The following SETDB1 variants were observed in gnomAD, a reference collection of about 807,000 sequenced individuals.
The protein encoded by SETDB1 is SET domain bifurcated histone lysine methyltransferase 1.
In SETDB1, 31 loss-of-function variants were observed where a neutral mutation model predicts 137.4. The observed-to-expected ratio is 0.23, with a 90% CI of 0.17 to 0.30. The LOEUF (loss-of-function observed/expected upper bound fraction) is 0.30, where lower values mean the gene tolerates loss of function less well. Among genes scored for constraint, SETDB1 ranks in the 10% least tolerant of loss-of-function variants. The pLI is 1.00. For synonymous variants in SETDB1, 548 were observed against 579.9 expected, an observed-to-expected ratio of 0.95 and a Z score of 0.79; for missense variants, 1,113 against 1,631.5, an observed-to-expected ratio of 0.68 and a Z score of 5.47.
At position 150,951,058 on chromosome 1, in the gene SETDB1, T is replaced by G; in HGVS notation, c.2184T>G (p.Val728=). Reference sequence around the variant, plus strand: ...TTAACACAGGCCCTGAATTTCTGGTTGGCTGTGACTGCAAGGATGGGTGTC... The same window carrying G: ...TTAACACAGGCCCTGAATTTCTGGTGGGCTGTGACTGCAAGGATGGGTGTC... ...VFINTGPEFL[V]GCDCKDGCRD... The change falls in exon 13 of 22, where the codon GTT becomes GTG. Residue 728 remains valine, a synonymous_variant. Transcript: ENST00000692827. 1 of 1,611,652 alleles carries G rather than the reference T, an allele frequency of 6.2e-7. No homozygotes were observed. The highest frequency in any genetic ancestry group is 8.5e-7 in the Non-Finnish European group (1 of 1,177,920).
rs754828792 is a variant in SETDB1 at position 150,959,259 on chromosome 1, G to A, written c.2415G>A (p.Arg805=). ...NRLVQHGLQV[R]LQLFKTQNKG... The stretch of plus-strand genomic sequence containing the variant: ...TGGTGCAACATGGACTACAAGTTCG[G>A]CTACAGCTATTCAAGACACAGAACA... The change falls in exon 15 of 22, where the codon CGG becomes CGA. Residue 805 remains arginine (R), a synonymous_variant. Transcript: ENST00000692827. 1 of 1,609,764 alleles carries A rather than the reference G, an allele frequency of 6.2e-7. No homozygotes were observed.
At chr1:150,926,618 A>G (rs1669526200) in intron 1 of SETDB1, 101 bp downstream of exon 1, 1 of 434,096 alleles carries the variant, frequency 2.3e-6, no homozygotes, top group East Asian at 7.0e-5. Flanking sequence ...AGTCTTCCCC[A>G]GAGGCGAACG....
In SETDB1 at chr1:150,962,849, C is replaced by CT. The variant is rs1310981439; in HGVS notation, c.3295-122dup. On this transcript the variant is annotated intron_variant, in intron 18 of 21. Coordinates refer to ENST00000692827, the MANE Select transcript of SETDB1 (RefSeq NM_001366418.1). The stretch of plus-strand genomic sequence containing the variant: ...TAGCCTTGACTTCCTGCCTTATTTT[C>CT]TTTCATCCAGCATCTAATCTTCCTC... 2.8e-6 allele frequency: 4 copies of CT among 1,453,110 alleles called. No individual in the cohort carries two copies. The African/African-American group carries it at 5.6e-5, about 20-fold the overall frequency. 90.0% of individuals were successfully genotyped at this position (1,453,110 alleles called of 1,614,324 possible). A position where few individuals can be genotyped will look rare whatever the true frequency, so the allele number is the denominator to read the frequency against.
intron 13 of SETDB1, 28 bp downstream of exon 13, chr1:150,951,118 C>T: frequency 6.3e-7 from 1 of 1,584,970 alleles, no homozygotes; most frequent in Non-Finnish European, 8.6e-7. Flanking sequence ...ATTGCTGCCC[C>T]TGCTTCCAAC....
rs147338256 is a variant in SETDB1, at chr1:150,951,104, G to A, written c.2216+14G>A. On this transcript the variant is annotated intron_variant, in intron 13 of 21. Coordinates refer to ENST00000692827, the MANE Select transcript of SETDB1 (RefSeq NM_001366418.1). The stretch of plus-strand genomic sequence containing the variant: ...GTGTCGGGACAAGTGAGTTGGTGGG[G>A]GGAATTGCTGCCCCTGCTTCCAACT... 92 of 1,595,144 alleles carry A rather than the reference G, an allele frequency of 5.8e-5. 1 individual carries two copies. In the African/African-American group the frequency reaches 1.2e-3, roughly 21 times the overall value.
intron 17 of SETDB1, 92 bp downstream of exon 17, chr1:150,962,250 C>A: frequency 1.8e-6 from 2 of 1,117,820 alleles, no homozygotes; most frequent in Admixed American, 3.4e-5. Flanking sequence ...CTCATTGCAA[C>A]CTCCCCCTCC....
At chr1:150,935,790 G>A (rs587635923) in intron 3 of SETDB1, among the ~76,000 whole-genome samples, 4 of 152,032 alleles carry the variant, frequency 2.6e-5, no homozygotes, top group East Asian at 1.9e-4. Flanking sequence ...ATTTCCTATC[G>A]TTCTTTGAGC....
At chr1:150,952,004 C>CGGA (rs1553241234) in intron 14 of SETDB1, among the ~76,000 whole-genome samples, 2 of 151,816 alleles carry the variant, frequency 1.3e-5, no homozygotes, top group African/African-American at 4.8e-5. Flanking sequence ...AAAAATTAGC[C>CGGA]GGGGGTGGTG....
chr1:150,943,938 T>C lies in SETDB1; in HGVS notation c.894T>C (p.Asp298=), dbSNP rs750330951. ...KNKLRFLIFF[D]DGYASYVTQS... ...TTTATAGGTTTCTCATTTTCTTTGA[T>C]GATGGCTATGCTTCCTATGTCACAC... Residue 298 remains aspartate (D), a synonymous_variant, in exon 8 of 22, where the codon GAT becomes GAC. Transcript: ENST00000692827. The C allele has an allele frequency of 6.2e-7, 1 of 1,612,536 alleles. No homozygotes were observed. Among genetic ancestry groups the C allele is most frequent in the South Asian group, 1.1e-5 (1 of 91,018 alleles).
intron 10 of SETDB1, among the ~76,000 whole-genome samples, chr1:150,948,080 A>G (rs1029996473): frequency 1.3e-5 from 2 of 151,708 alleles, no homozygotes; most frequent in Non-Finnish European, 2.9e-5. Context: ...AAAAAAAAAA[A>G]TGCTGAGTGT....
At chr1:150,955,839 A>C (rs987152344) in intron 14 of SETDB1, among the ~76,000 whole-genome samples, 5 of 152,206 alleles carry the variant, frequency 3.3e-5, no homozygotes, top group Non-Finnish European at 7.3e-5. Context: ...CTGTAATCCC[A>C]GCACTTTGGG....
intron 21 of SETDB1, 78 bp downstream of exon 21, chr1:150,964,161 T>A: frequency 6.6e-7 from 1 of 1,525,274 alleles, no homozygotes; most frequent in Non-Finnish European, 9.1e-7. Flanking sequence ...CCATTCATGA[T>A]CCAACTCCAC....
At chr1:150,947,135 G>T in intron 10 of SETDB1, 123 bp downstream of exon 10, 1 of 1,144,676 alleles carries the variant, frequency 8.7e-7, no homozygotes. Context: ...CAGGATATGT[G>T]CCCTGAGTTG....
intron 7 of SETDB1, 68 bp downstream of exon 7, chr1:150,943,121 G>A: frequency 9.1e-7 from 1 of 1,094,034 alleles, no homozygotes; most frequent in Non-Finnish European, 1.4e-6. Flanking sequence ...TCGTGCCATA[G>A]ACCAGATACC....
Position 150,961,106 on chromosome 1 carries a change from G to A in SETDB1, c.3047G>A (p.Gly1016Glu), listed in dbSNP as rs777247395. The A allele has an allele frequency of 1.2e-6, 2 of 1,614,056 alleles. No homozygotes were observed. The highest frequency in any genetic ancestry group is 1.7e-6 in the Non-Finnish European group (2 of 1,179,962). ...AATGAAGGTGGGGAGGGCCGGGCTG[G>A]GGGAAGCCGAATGGAGGCTGAGAAG... ...KTNEGGEGRA[G>E]GSRMEAEKAS... The change falls in exon 16 of 22, where the codon GGG (glycine) becomes GAG (glutamate). Residue 1016 changes from glycine to glutamate, a missense_variant. Gly to Glu is a moderately conservative substitution (Grantham distance 98, BLOSUM62 -2). Coordinates refer to ENST00000692827, the MANE Select transcript of SETDB1 (RefSeq NM_001366418.1).
intron 15 of SETDB1, 85 bp from the exon 16 acceptor site, chr1:150,960,476 GGA>G: frequency 2.0e-6 from 2 of 1,023,744 alleles, no homozygotes; most frequent in Non-Finnish European, 2.8e-6. Flanking sequence ...GACTCCATCT[GGA>G]AAAAAAAAAA....
Position 150,942,583 on chromosome 1 carries a change from G to A in SETDB1, c.568G>A (p.Gly190Arg). 1 of 1,613,090 alleles carries A rather than the reference G, an allele frequency of 6.2e-7. No individual in the cohort carries two copies. Among genetic ancestry groups the A allele is most frequent in the Non-Finnish European group, 8.5e-7 (1 of 1,179,574 alleles). ...TATAGGAACCTTGAGTCAGATGTCT[G>A]GAGAACTAAGCAAAGATGGTGACCT... is the stretch of plus-strand genomic sequence containing the variant. ...LHKGTLSQMS[G>R]ELSKDGDLIV... The change falls in exon 6 of 22, where the codon GGA becomes AGA. Residue 190 changes from glycine to arginine, a missense_variant. Around this residue, in one of 11 missense-constraint regions of SETDB1, gnomAD observed 159 missense variants for 188.6 expected, o/e 0.84. Coordinates refer to ENST00000692827, the MANE Select transcript of SETDB1 (RefSeq NM_001366418.1).
In SETDB1 at chr1:150,960,750, G is replaced by A. The variant is rs1405491872; in HGVS notation, c.2691G>A (p.Glu897=). 1.9e-6 allele frequency: 3 copies of A among 1,611,054 alleles called. No individual in the cohort carries two copies. The highest frequency in any genetic ancestry group is 2.5e-6 in the Non-Finnish European group (3 of 1,178,582). ...AGGAAGATGGCAACAGCGGTACAGA[G>A]GACCCTGAAGAGTCCAATGATGATA... ...KDQEDGNSGT[E]DPEESNDDSS... Residue 897 remains glutamate, a synonymous_variant, in exon 16 of 22, where the codon GAG becomes GAA. Transcript: ENST00000692827.
In SETDB1 at chr1:150,933,368, C is replaced by CTTTTTTTTTTTTTTTTTTTT. The variant is rs71090112; in HGVS notation, c.412+3267_412+3268insTTTTTTTTTTTTTTTTTTTT. On this transcript the variant is annotated intron_variant, in intron 3 of 21. Coordinates refer to ENST00000692827, the MANE Select transcript of SETDB1 (RefSeq NM_001366418.1). The stretch of plus-strand genomic sequence containing the variant: ...AGCTACCATGCCTGGCCTATTTTGT[C>CTTTTTTTTTTTTTTTTTTTT]TTTTTTTTTTTTTTTTTGAGACAGT... Among the ~76,000 whole-genome samples the CTTTTTTTTTTTTTTTTTTTT allele has an allele frequency of 1.9e-4, 22 of 118,884 alleles. 1 individual carries two copies. Among genetic ancestry groups the CTTTTTTTTTTTTTTTTTTTT allele is most frequent in the Non-Finnish European group, 2.2e-4 (13 of 59,112 alleles). The allele number at this position is 118,884 out of a possible 152,430, so 78.0% of individuals were successfully genotyped here. A position where few individuals can be genotyped will look rare whatever the true frequency, so the allele number is the denominator to read the frequency against.
Sources: allele counts gnomAD v4.1 joint callset (sites outside exome capture counted in the v4.1 genomes callset), GRCh38; gene constraint gnomAD v4.1.1; regional missense constraint gnomAD v4.1.1; transcripts MANE v1.5; gene names NCBI Gene and HGNC (gene_info 2026-07-23, HGNC 2026-07-21).